Variants in ABCC1 observed in about 807,000 individuals in gnomAD.
ABCC1 encodes multidrug resistance-associated protein 1.
In ABCC1, 83 loss-of-function variants were observed where a neutral mutation model predicts 172.9. The ratio of observed to expected loss-of-function variants is 0.48; its 90% CI spans 0.40 to 0.58. The LOEUF is 0.58. ABCC1 is among the 20% of genes least tolerant of loss of function. The pLI, the probability that ABCC1 is intolerant of heterozygous loss-of-function variation, is 0.00. For missense variants in ABCC1, 1,817 were observed against 2,002.7 expected, an observed-to-expected ratio of 0.91 and a Z score of 1.77; for synonymous variants, 937 against 825.2, an observed-to-expected ratio of 1.14 and a Z score of -2.32.
intron 19 of ABCC1, among the ~76,000 whole-genome samples, chr16:16,097,430 G>A (rs947614268): frequency 2.0e-5 from 3 of 152,232 alleles, no homozygotes; most frequent in Middle Eastern, 3.4e-3. Context: ...GGGCTTTTTG[G>A]TTGTCTCTCC....
intron 26 of ABCC1, among the ~76,000 whole-genome samples, chr16:16,127,652 T>C (rs2045493569): frequency 6.6e-6 from 1 of 152,150 alleles, no homozygotes. Flanking sequence ...TCCAGTGCCA[T>C]GGGAGTCATG....
At chr16:16,004,965 T>A (rs1309755551) in intron 1 of ABCC1, among the ~76,000 whole-genome samples, 1 of 151,904 alleles carries the variant, frequency 6.6e-6, no homozygotes, top group African/African-American at 2.4e-5. Flanking sequence ...GCGCCCAACC[T>A]AATAACTAGA....
Position 16,067,371 on chromosome 16 carries a change from C to T in ABCC1, c.1678-785C>T, listed in dbSNP as rs538113310. ...CTGGCTTCCCGTGGGACCGGGCTCT[C>T]GCTTGTGTGACCACGTTAATAGATT... is the stretch of plus-strand genomic sequence containing the variant. On this transcript the variant is annotated intron_variant, in intron 12 of 30. Transcript: ENST00000399410. Among the ~76,000 whole-genome samples the T allele has an allele frequency of 1.4e-3, 213 of 152,312 alleles. 2 individuals carry two copies. The highest frequency in any genetic ancestry group is 2.5e-3 in the South Asian group (12 of 4,830).
chr16:15,996,956 A>G (rs2047078100), intron 1 of ABCC1, among the ~76,000 whole-genome samples: 1 of 152,186 alleles, frequency 6.6e-6, no homozygotes, highest in Non-Finnish European at 1.5e-5. Context: ...GGCCACTCGG[A>G]CTTGGACGGG....
rs183998257 is a variant in ABCC1, at chr16:16,137,856, A to T, written c.4293-508A>T. Among the ~76,000 whole-genome samples, 256 of 144,220 alleles carry T rather than the reference A, an allele frequency of 1.8e-3. 4 individuals are homozygous for T. The East Asian group carries it at 0.041, about 23-fold the overall frequency. The allele number at this position is 144,220 out of a possible 152,430, so 94.6% of individuals were successfully genotyped here. ...GTGTGAGCCACTGTGCCCGGCTCTT[A>T]TTTTTTTTTTATTTTATTTTTTTTA... On this transcript the variant is annotated intron_variant, in intron 29 of 30. Transcript: ENST00000399410.
intron 27 of ABCC1, among the ~76,000 whole-genome samples, 174 bp from the exon 28 acceptor site, chr16:16,134,176 C>T (rs2045821127): frequency 6.6e-6 from 1 of 152,104 alleles, no homozygotes; most frequent in Non-Finnish European, 1.5e-5. Context: ...TCTTGACCTT[C>T]GGCCGAAACA....
chr16:15,953,588 C>T (rs557664572), intron 1 of ABCC1, among the ~76,000 whole-genome samples: 8 of 152,278 alleles, frequency 5.3e-5, no homozygotes, highest in South Asian at 4.1e-4. Context: ...GCTTGGCACA[C>T]AGCGCTCAGT....
chr16:16,133,468 A>G (rs746347812), intron 27 of ABCC1, among the ~76,000 whole-genome samples: 31 of 152,028 alleles, frequency 2.0e-4, no homozygotes, highest in Admixed American at 5.2e-4. Flanking sequence ...CAGTGGTGCT[A>G]TTTCGGCTCA....
intron 26 of ABCC1, 42 bp from the exon 27 acceptor site, chr16:16,131,747 G>C (rs748959245): frequency 1.2e-6 from 2 of 1,601,664 alleles, no homozygotes; most frequent in Admixed American, 3.4e-5. Flanking sequence ...TTTACCAGAT[G>C]GACTGGAAAT....
intron 4 of ABCC1, among the ~76,000 whole-genome samples, chr16:16,015,485 C>G (rs1331018698): frequency 6.6e-6 from 1 of 152,140 alleles, no homozygotes; most frequent in Non-Finnish European, 1.5e-5. Flanking sequence ...CATCTTGGAG[C>G]TAATTAGAGA....
At position 16,016,516 on chromosome 16, in the gene ABCC1, T is replaced by G. The variant is rs767417639; in HGVS notation, c.510T>G (p.Phe170Leu). 6.2e-7 allele frequency: 1 copy of G among 1,614,174 alleles called. No homozygotes were observed. The highest frequency in any genetic ancestry group is 8.5e-7 in the Non-Finnish European group (1 of 1,180,024). The change falls in exon 5 of 31, where the codon TTT (phenylalanine) becomes TTG (leucine). Residue 170 changes from phenylalanine (F) to leucine (L), a missense_variant. Physicochemically the swap from Phe to Leu is conservative, Grantham distance 22. Around this residue, in one of 3 missense-constraint regions of ABCC1, gnomAD observed 398 missense variants for 384.2 expected, o/e 1.04. Coordinates refer to ENST00000399410, the MANE Select transcript of ABCC1 (RefSeq NM_004996.4). Reference sequence around the variant, plus strand: ...TGTAGGATGCCCAGGTGGACCTGTTTCGTGACATCACTTTCTACGTCTACT... The same window carrying G: ...TGTAGGATGCCCAGGTGGACCTGTTGCGTGACATCACTTTCTACGTCTACT... ...ALKEDAQVDL[F>L]RDITFYVYFS...
At chr16:15,961,357 G>C (rs2046127861) in intron 1 of ABCC1, among the ~76,000 whole-genome samples, 1 of 152,160 alleles carries the variant, frequency 6.6e-6, no homozygotes, top group South Asian at 2.1e-4. Context: ...GAAAACTCTT[G>C]TTTTAAAACA....
At chr16:16,131,679 C>T (rs2045677903) in intron 26 of ABCC1, 110 bp from the exon 27 acceptor site, 2 of 1,328,942 alleles carry the variant, frequency 1.5e-6, no homozygotes, top group Non-Finnish European at 2.1e-6. Flanking sequence ...GTGCTGAGGC[C>T]TGGGAGGCCA....
intron 2 of ABCC1, among the ~76,000 whole-genome samples, chr16:16,008,823 A>G (rs528777085): frequency 1.1e-4 from 16 of 145,430 alleles, no homozygotes; most frequent in Admixed American, 4.1e-4. Context: ...AGCCTGTGCA[A>G]CAGAGCGAGA....
At chr16:16,081,901 C>T (rs1826739651) in intron 16 of ABCC1, among the ~76,000 whole-genome samples, 1 of 152,060 alleles carries the variant, frequency 6.6e-6, no homozygotes, top group African/African-American at 2.4e-5. Flanking sequence ...TGCCTTTAGT[C>T]CCAGCTACTC....
At chr16:16,070,094 T>C (rs1307277575) in intron 13 of ABCC1, among the ~76,000 whole-genome samples, 1 of 152,060 alleles carries the variant, frequency 6.6e-6, no homozygotes, top group Non-Finnish European at 1.5e-5. Context: ...AACATCGGCA[T>C]TTTTTGGCTG....
intron 10 of ABCC1, 76 bp from the exon 11 acceptor site, chr16:16,052,648 A>C: frequency 6.9e-7 from 1 of 1,443,864 alleles, no homozygotes; most frequent in Non-Finnish European, 9.7e-7. Context: ...CGTGGGATGG[A>C]TCAACCGGGG....
intron 1 of ABCC1, among the ~76,000 whole-genome samples, chr16:16,004,995 A>G (rs1008441389): frequency 2.7e-5 from 4 of 149,120 alleles, no homozygotes; most frequent in Admixed American, 2.0e-4. Flanking sequence ...TTATTGGAAC[A>G]TGTATATTTT....
At chr16:16,113,488 CTACAAAAAA>C (rs2044712731) in intron 22 of ABCC1, among the ~76,000 whole-genome samples, 1 of 152,094 alleles carries the variant, frequency 6.6e-6, no homozygotes, top group African/African-American at 2.4e-5. Flanking sequence ...AACCCTGTTT[CTACAAAAAA>C]TACAAAAATT....
Sources: allele counts gnomAD v4.1 joint callset (sites outside exome capture counted in the v4.1 genomes callset), GRCh38; gene constraint gnomAD v4.1.1; regional missense constraint gnomAD v4.1.1; transcripts MANE v1.5; gene names NCBI Gene and HGNC (gene_info 2026-07-23, HGNC 2026-07-21).